The following FAM186A variants were observed in gnomAD, a reference collection of about 807,000 sequenced individuals.
The protein encoded by FAM186A is family with sequence similarity 186 member A, also known as protein FAM186A.
FAM186A carries 163 observed loss-of-function variants against 216.8 expected under a neutral mutation model. The observed-to-expected ratio is 0.75, with a 90% CI of 0.66 to 0.86. The LOEUF (loss-of-function observed/expected upper bound fraction) is 0.86, where lower values mean the gene tolerates loss of function less well. FAM186A is among the 40% of genes least tolerant of loss of function. The pLI is 0.00. For missense variants in FAM186A, 2,184 were observed against 2,746.2 expected, an observed-to-expected ratio of 0.80 and a Z score of 4.58; for synonymous variants, 805 against 1,025.3, an observed-to-expected ratio of 0.79 and a Z score of 4.10.
intron 4 of FAM186A, among the ~76,000 whole-genome samples, chr12:50,338,231 C>T (rs977850411): frequency 5.9e-5 from 9 of 152,028 alleles, no homozygotes; most frequent in Non-Finnish European, 1.0e-4. Context: ...GACAGAGTTT[C>T]GCTCTTGTTG....
At chr12:50,330,811 C>T in intron 6 of FAM186A, 53 bp from the exon 7 acceptor site, 1 of 1,426,714 alleles carries the variant, frequency 7.0e-7, no homozygotes, top group Non-Finnish European at 9.3e-7. Flanking sequence ...CTCCATAGCC[C>T]ATCAAAATAT....
chr12:50,354,742 G>A lies in FAM186A; in HGVS notation c.2090C>T (p.Pro697Leu), dbSNP rs369441605. 205 of 1,543,904 alleles carry A rather than the reference G, an allele frequency of 1.3e-4. No individual in the cohort carries two copies. Among genetic ancestry groups the A allele is most frequent in the African/African-American group, 7.3e-4 (53 of 72,550 alleles). Residue 697 changes from proline (P) to leucine (L), a missense_variant, in exon 4 of 8, where the codon CCG becomes CTG. By Grantham distance (98) the Pro-to-Leu change is moderately conservative. This residue lies in a region of FAM186A where 1,132 missense variants were observed against 1,263.4 expected (regional missense o/e 0.90). Coordinates refer to ENST00000327337, the MANE Select transcript of FAM186A (RefSeq NM_001145475.3). Reference sequence around the variant, plus strand: ...TCTTTTTAATAACTCCTCTTCCTTCGGAACAGTCTTTTTGTCAAAAGCCTT... The same window carrying A: ...TCTTTTTAATAACTCCTCTTCCTTCAGAACAGTCTTTTTGTCAAAAGCCTT... ...IGKAFDKKTV[P>L]KEEELLKRAE... is the part of the protein sequence containing the mutation.
chr12:50,355,400 C>A lies in FAM186A; in HGVS notation c.1432G>T (p.Asp478Tyr). ...GAGACTTTCTGTCCACTTTTATTAT[C>A]ACTCAGATTTGGTCCAGAGGTCTCA... ...VYETSGPNLS[D>Y]NKSGQKVSEA... The change falls in exon 4 of 8, where the codon GAT (aspartate) becomes TAT (tyrosine). Residue 478 changes from aspartate to tyrosine, a missense_variant. Physicochemically the swap from Asp to Tyr is radical, Grantham distance 160. Coordinates refer to ENST00000327337, the MANE Select transcript of FAM186A (RefSeq NM_001145475.3). The A allele has an allele frequency of 6.4e-7, 1 of 1,551,344 alleles. No homozygotes were observed. The highest frequency in any genetic ancestry group is 8.7e-7 in the Non-Finnish European group (1 of 1,146,990).
chr12:50,351,145 T>G lies in FAM186A; in HGVS notation c.5687A>C (p.Gln1896Pro). Residue 1896 changes from glutamine to proline, a missense_variant, in exon 4 of 8, where the codon CAA becomes CCA. By Grantham distance (76) the Gln-to-Pro change is moderately conservative. Transcript: ENST00000327337. ...AGAAGGAGCCTGCAGATAGGGAGAT[T>G]GCTCAGCAGTGGCAGGAGGCTGGAA... is the stretch of plus-strand genomic sequence containing the variant. ...QEFQPPATAE[Q>P]SPYLQAPSTP... 3.2e-6 allele frequency: 5 copies of G among 1,551,500 alleles called. No homozygotes were observed. Among genetic ancestry groups the G allele is most frequent in the Admixed American group, 2.0e-5 (1 of 50,980 alleles).
chr12:50,356,190 T>C lies in FAM186A; in HGVS notation c.642A>G (p.Thr214=), dbSNP rs1942975208. The stretch of plus-strand genomic sequence containing the variant: ...TCTGATCTGGTCTTAAAGCACGGGC[T>C]GTTGAAGGTCGTTTTATAACTCTTT... ...WKERVIKRPS[T]ARALRPDQMI... The change falls in exon 4 of 8, where the codon ACA becomes ACG. Residue 214 remains threonine, a synonymous_variant. Coordinates refer to ENST00000327337, the MANE Select transcript of FAM186A (RefSeq NM_001145475.3). 6.4e-7 allele frequency: 1 copy of C among 1,551,370 alleles called. No homozygotes were observed. Among genetic ancestry groups the C allele is most frequent in the African/African-American group, 1.4e-5 (1 of 73,054 alleles).
intron 1 of FAM186A, among the ~76,000 whole-genome samples, chr12:50,386,590 G>T (rs1480627959): frequency 6.6e-6 from 1 of 150,648 alleles, no homozygotes. Flanking sequence ...CATTTTGGCC[G>T]GGCTCATGCC....
intron 4 of FAM186A, among the ~76,000 whole-genome samples, chr12:50,340,516 T>C (rs1473687999): frequency 6.6e-6 from 1 of 151,786 alleles, no homozygotes; most frequent in East Asian, 1.9e-4. Flanking sequence ...TCAAGACCAG[T>C]CTGGGCAACA....
At chr12:50,356,902 G>A (rs1198582963) in intron 3 of FAM186A, among the ~76,000 whole-genome samples, 1 of 152,096 alleles carries the variant, frequency 6.6e-6, no homozygotes, top group East Asian at 1.9e-4. Context: ...AAGAGGCTAA[G>A]GCAGGAGAAT....
intron 4 of FAM186A, among the ~76,000 whole-genome samples, chr12:50,348,808 G>A (rs1037909404): frequency 1.3e-5 from 2 of 152,014 alleles, no homozygotes; most frequent in East Asian, 1.9e-4. Flanking sequence ...CACCTGCCTC[G>A]GCCTCCCAAA....
Position 50,354,756 on chromosome 12 carries a change from G to A in FAM186A, c.2076C>T (p.Asp692=). The change falls in exon 4 of 8, where the codon GAC becomes GAT. Residue 692 remains aspartate, a synonymous_variant. Transcript: ENST00000327337. ...QKIDNIGKAF[D]KKTVPKEEEL... ...CCTCTTCCTTCGGAACAGTCTTTTTGTCAAAAGCCTTTCCTATGTTATCAA... is the reference window on the plus strand; with the variant it reads ...CCTCTTCCTTCGGAACAGTCTTTTTATCAAAAGCCTTTCCTATGTTATCAA... 6.5e-7 allele frequency: 1 copy of A among 1,537,522 alleles called. No individual in the cohort carries two copies. Among genetic ancestry groups the A allele is most frequent in the Non-Finnish European group, 8.7e-7 (1 of 1,143,978 alleles).
intron 1 of FAM186A, among the ~76,000 whole-genome samples, chr12:50,368,921 C>T (rs188071122): frequency 2.0e-5 from 3 of 151,106 alleles, no homozygotes; most frequent in Admixed American, 2.0e-4. Flanking sequence ...AAATTATTTT[C>T]CATAAGGATT....
intron 1 of FAM186A, among the ~76,000 whole-genome samples, chr12:50,366,626 C>CAA (rs61606774): frequency 1.8e-4 from 9 of 49,374 alleles, no homozygotes; most frequent in African/African-American, 5.8e-4. Flanking sequence ...ATAGAATGAC[C>CAA]AAAAAAAAAA....
chr12:50,328,786 G>A (rs935740636), intron 7 of FAM186A, among the ~76,000 whole-genome samples: 3 of 152,142 alleles, frequency 2.0e-5, no homozygotes, highest in African/African-American at 7.2e-5. Flanking sequence ...TGGATTACAG[G>A]CATGAGCCAC....
At chr12:50,361,793 A>G (rs1592617930) in intron 2 of FAM186A, among the ~76,000 whole-genome samples, 1 of 149,684 alleles carries the variant, frequency 6.7e-6, no homozygotes, top group Non-Finnish European at 1.5e-5. Flanking sequence ...CTGGTCTCAA[A>G]CTCCTGACCT....
intron 4 of FAM186A, among the ~76,000 whole-genome samples, chr12:50,342,781 T>TG (rs1161547764): frequency 2.0e-5 from 3 of 151,550 alleles, no homozygotes; most frequent in African/African-American, 7.3e-5. Flanking sequence ...CCTTTTTTTT[T>TG]TTTGAGACAA....
intron 4 of FAM186A, among the ~76,000 whole-genome samples, chr12:50,343,126 G>T (rs1942781026): frequency 6.6e-6 from 1 of 151,714 alleles, no homozygotes; most frequent in Non-Finnish European, 1.5e-5. Flanking sequence ...GAAGTGGGAG[G>T]ATATTTTAAA....
At position 50,357,516 on chromosome 12, in the gene FAM186A, A is replaced by AAAAAAG. The variant is rs1555216836; in HGVS notation, c.584-1269_584-1268insCTTTTT. Among the ~76,000 whole-genome samples the AAAAAAG allele has an allele frequency of 1.4e-5, 2 of 142,398 alleles. 1 individual carries two copies. Among genetic ancestry groups the AAAAAAG allele is most frequent in the African/African-American group, 5.2e-5 (2 of 38,552 alleles). The allele number at this position is 142,398 out of a possible 152,430, so 93.4% of individuals were successfully genotyped here. A position where few individuals can be genotyped will look rare whatever the true frequency, so the allele number is the denominator to read the frequency against. On this transcript the variant is annotated intron_variant, in intron 3 of 7. Coordinates refer to ENST00000327337, the MANE Select transcript of FAM186A (RefSeq NM_001145475.3). ...ACTCTGTCTGAAAAAAAAAAAAAAA[A>AAAAAAG]AAGACACACATTTGAAAAGATTTGC...
chr12:50,328,552 G>C (rs1041001686), intron 7 of FAM186A, among the ~76,000 whole-genome samples: 1 of 151,680 alleles, frequency 6.6e-6, no homozygotes, highest in Non-Finnish European at 1.5e-5. Context: ...TTGTTGCCCA[G>C]GCTGGAGTGC....
intron 4 of FAM186A, among the ~76,000 whole-genome samples, chr12:50,344,977 C>A (rs551193734): frequency 6.6e-6 from 1 of 152,000 alleles, no homozygotes; most frequent in African/African-American, 2.4e-5. Flanking sequence ...CAAGGCCGAG[C>A]GCGGTGGCTC....
Sources: allele counts gnomAD v4.1 joint callset (sites outside exome capture counted in the v4.1 genomes callset), GRCh38; gene constraint gnomAD v4.1.1; regional missense constraint gnomAD v4.1.1; transcripts MANE v1.5; gene names NCBI Gene and HGNC (gene_info 2026-07-23, HGNC 2026-07-21).